SLC8A3: variants seen among roughly 807,000 people sequenced by gnomAD.
SLC8A3 encodes the protein sodium/calcium exchanger 3.
A neutral mutation model predicts 65.4 loss-of-function variants in SLC8A3; 37 were observed. That is an observed-to-expected ratio of 0.57 (90% CI 0.44 to 0.74). SLC8A3 has a LOEUF of 0.74. SLC8A3 is among the 30% of genes least tolerant of loss of function. The pLI is 0.00. For missense variants in SLC8A3, 1,112 were observed against 1,172.1 expected (o/e 0.95, Z 0.75); for synonymous variants, 461 against 444.5 (o/e 1.04, Z -0.47).
At chr14:70,180,476 C>T (rs965271058) in intron 1 of SLC8A3, among the ~76,000 whole-genome samples, 10 of 151,992 alleles carry the variant, frequency 6.6e-5, no homozygotes, top group Non-Finnish European at 1.5e-4. Context: ...TAGCTACTAC[C>T]TTCACAGATG....
chr14:70,061,987 T>G lies in SLC8A3; in HGVS notation c.1785-1048A>C, dbSNP rs558057101. On this transcript the variant is annotated intron_variant, in intron 2 of 6. Transcript: ENST00000356921. ...TCTTTGTCATGTGGAGAGGTTGCCG[T>G]GTGGGCCTGATTCTTCCTATATGGT... 4.4e-3 allele frequency among the ~76,000 whole-genome samples: 669 copies of G among 152,204 alleles called. 6 individuals are homozygous for G. Among genetic ancestry groups the G allele is most frequent in the African/African-American group, 0.016 (658 of 41,530 alleles).
chr14:70,048,983 C>A lies in SLC8A3; in HGVS notation c.2173G>T (p.Val725Phe). The change falls in exon 6 of 7, where the codon GTC becomes TTC. Residue 725 changes from valine to phenylalanine, a missense_variant. Physicochemically the swap from Val to Phe is conservative, Grantham distance 50. Coordinates refer to ENST00000356921, the MANE Select transcript of SLC8A3 (RefSeq NM_182932.3). ...CAGAAGACAGTCAGGAAGTGCATGA[C>A]GTAGTCAAAGCAGGAGGGCAGCCTC... ...EERLPSCFDY[V>F]MHFLTVFWKV... is the part of the protein sequence containing the mutation. 1 of 1,614,184 alleles carries A rather than the reference C, an allele frequency of 6.2e-7. No individual in the cohort carries two copies. The highest frequency in any genetic ancestry group is 8.5e-7 in the Non-Finnish European group (1 of 1,180,004).
intron 2 of SLC8A3, among the ~76,000 whole-genome samples, chr14:70,139,979 G>T (rs1895460361): frequency 6.6e-6 from 1 of 152,066 alleles, no homozygotes; most frequent in Non-Finnish European, 1.5e-5. Flanking sequence ...ATCAGAGTAG[G>T]GAGTTTCAAA....
At chr14:70,057,318 A>C (rs1197863342) in intron 3 of SLC8A3, among the ~76,000 whole-genome samples, 1 of 152,120 alleles carries the variant, frequency 6.6e-6, no homozygotes, top group Non-Finnish European at 1.5e-5. Context: ...AGATAGATAG[A>C]TAGATAGATA....
chr14:70,138,209 A>G (rs1055657046), intron 2 of SLC8A3, among the ~76,000 whole-genome samples: 2 of 152,152 alleles, frequency 1.3e-5, no homozygotes, highest in Non-Finnish European at 2.9e-5. Context: ...GGAGGAGAAC[A>G]GCCCATGGTT....
At chr14:70,063,705 G>A (rs1224145619) in intron 2 of SLC8A3, 3 of 646,956 alleles carry the variant, frequency 4.6e-6, no homozygotes, top group Non-Finnish European at 8.4e-6. Context: ...GAGGAGACAA[G>A]GGAAAGGGAA....
rs759310394 is a variant in SLC8A3, at chr14:70,177,519, C to A, written c.-62-9035G>T. ...GGATCACTGGGGCCAGCTGCATGAACCAGCTAACATTAGATCTAGGATTTA... is the reference window on the plus strand; with the variant it reads ...GGATCACTGGGGCCAGCTGCATGAAACAGCTAACATTAGATCTAGGATTTA... On this transcript the variant is annotated intron_variant, in intron 1 of 6. Transcript: ENST00000356921. Among the ~76,000 whole-genome samples the A allele has an allele frequency of 3.3e-5, 5 of 152,256 alleles. No individual in the cohort carries two copies. The East Asian group carries it at 7.7e-4, about 24-fold the overall frequency.
At chr14:70,175,214 A>G (rs980560872) in intron 1 of SLC8A3, among the ~76,000 whole-genome samples, 1 of 152,172 alleles carries the variant, frequency 6.6e-6, no homozygotes, top group African/African-American at 2.4e-5. Context: ...AACAGCAATG[A>G]TCATATATAT....
intron 2 of SLC8A3, among the ~76,000 whole-genome samples, chr14:70,121,450 G>A (rs1188866895): frequency 1.3e-5 from 2 of 152,180 alleles, no homozygotes; most frequent in Non-Finnish European, 2.9e-5. Context: ...TCTTGCTCTC[G>A]TCAAGTCTAA....
At position 70,060,825 on chromosome 14, in the gene SLC8A3, G is replaced by T; in HGVS notation, c.1888+11C>A. 5 of 1,244,344 alleles carry T rather than the reference G, an allele frequency of 4.0e-6. No individual in the cohort carries two copies. Among genetic ancestry groups the T allele is most frequent in the Non-Finnish European group, 5.8e-6 (5 of 857,648 alleles). 77.1% of individuals were successfully genotyped at this position (1,244,344 alleles called of 1,614,324 possible). On this transcript the variant is annotated intron_variant, in intron 3 of 6. Coordinates refer to ENST00000356921, the MANE Select transcript of SLC8A3 (RefSeq NM_182932.3). ...TTTTTTTTGTTGTTTTGTTTTTAAA[G>T]AATCTCACACCTGATATTCCACGTT...
At chr14:70,174,245 G>A (rs1307815994) in intron 1 of SLC8A3, among the ~76,000 whole-genome samples, 1 of 152,208 alleles carries the variant, frequency 6.6e-6, no homozygotes, top group African/African-American at 2.4e-5. Context: ...AAGCTTGGAA[G>A]CTCTACATAC....
chr14:70,095,044 C>CT (rs1290065504), intron 2 of SLC8A3, among the ~76,000 whole-genome samples: 1 of 152,216 alleles, frequency 6.6e-6, no homozygotes, highest in Non-Finnish European at 1.5e-5. Flanking sequence ...CCTCCATTTG[C>CT]TTATCTAAAG....
intron 2 of SLC8A3, among the ~76,000 whole-genome samples, chr14:70,160,044 G>T (rs946200172): frequency 1.1e-4 from 16 of 152,210 alleles, no homozygotes; most frequent in African/African-American, 3.6e-4. Context: ...CATAAAAAAG[G>T]ATAATACAGC....
chr14:70,133,219 C>T (rs890224315), intron 2 of SLC8A3, among the ~76,000 whole-genome samples: 13 of 151,988 alleles, frequency 8.6e-5, no homozygotes, highest in African/African-American at 3.1e-4. Flanking sequence ...AAAATGAGGC[C>T]TTGAAAGAAA....
At chr14:70,124,369 C>A (rs1267540847) in intron 2 of SLC8A3, among the ~76,000 whole-genome samples, 1 of 152,186 alleles carries the variant, frequency 6.6e-6, no homozygotes, top group East Asian at 1.9e-4. Context: ...AGTCATCTGA[C>A]ATCTTTCACT....
At chr14:70,062,578 G>C (rs576552116) in intron 2 of SLC8A3, among the ~76,000 whole-genome samples, 14 of 152,334 alleles carry the variant, frequency 9.2e-5, no homozygotes, top group South Asian at 4.1e-4. Context: ...CTAGGTTTGT[G>C]AAAGTACACT....
intron 2 of SLC8A3, chr14:70,064,013 A>C: frequency 1.3e-6 from 1 of 752,252 alleles, no homozygotes; most frequent in East Asian, 2.6e-5. Flanking sequence ...AAGAGAAGGA[A>C]ACAGTTAAAA....
intron 5 of SLC8A3, among the ~76,000 whole-genome samples, chr14:70,049,355 C>A (rs778962909): frequency 1.3e-4 from 20 of 152,080 alleles, no homozygotes; most frequent in Non-Finnish European, 2.6e-4. Context: ...AGGATGCAAA[C>A]CATCATTCTC....
At chr14:70,157,187 C>T (rs1896624210) in intron 2 of SLC8A3, among the ~76,000 whole-genome samples, 1 of 152,188 alleles carries the variant, frequency 6.6e-6, no homozygotes, top group South Asian at 2.1e-4. Flanking sequence ...AAAATCAGTG[C>T]TCTCTCTGGG....
Sources: allele counts gnomAD v4.1 joint callset (sites outside exome capture counted in the v4.1 genomes callset), GRCh38; gene constraint gnomAD v4.1.1; transcripts MANE v1.5; gene names NCBI Gene and HGNC (gene_info 2026-07-23, HGNC 2026-07-21).